The following PPM1D variants were observed in gnomAD, a reference collection of about 807,000 sequenced individuals.
PPM1D encodes protein phosphatase 1D.
A neutral mutation model predicts 58.3 loss-of-function variants in PPM1D; 52 were observed. That is an observed-to-expected ratio of 0.89 (90% CI 0.71 to 1.12). The LOEUF (loss-of-function observed/expected upper bound fraction) is 1.12. Ranked by LOEUF, PPM1D falls within the 50% of genes most tolerant of loss-of-function variation. The pLI is 0.00. For missense variants in PPM1D, 564 were observed against 777.2 expected (o/e 0.73, Z 3.26); for synonymous variants, 278 against 285.1 (o/e 0.98, Z 0.25).
intron 1 of PPM1D, among the ~76,000 whole-genome samples, chr17:60,622,388 T>C (rs1415759060): frequency 2.6e-5 from 4 of 152,226 alleles, no homozygotes; most frequent in African/African-American, 4.8e-5. Context: ...ACATTTACAT[T>C]CTGTCCTTTC....
intron 1 of PPM1D, among the ~76,000 whole-genome samples, chr17:60,602,616 A>G (rs116353927): frequency 3.1e-3 from 476 of 152,174 alleles, no homozygotes; most frequent in African/African-American, 0.011. Flanking sequence ...AGCAGGGGCC[A>G]TGCTGTTAAA....
intron 4 of PPM1D, among the ~76,000 whole-genome samples, chr17:60,651,647 C>T (rs1181584151): frequency 3.3e-5 from 5 of 152,072 alleles, no homozygotes; most frequent in Admixed American, 6.6e-5. Context: ...CCACCCACCT[C>T]GGCCTCCCAA....
intron 4 of PPM1D, among the ~76,000 whole-genome samples, chr17:60,655,601 C>T (rs2031423515): frequency 6.6e-6 from 1 of 152,200 alleles, no homozygotes; most frequent in Non-Finnish European, 1.5e-5. Flanking sequence ...CCTGCCTCCA[C>T]CTCCCAAAGT....
intron 3 of PPM1D, among the ~76,000 whole-genome samples, chr17:60,639,216 A>G (rs1567972727): frequency 6.6e-6 from 1 of 151,754 alleles, no homozygotes; most frequent in South Asian, 2.1e-4. Flanking sequence ...CCCAGGTTCA[A>G]GCGATTCTCC....
At chr17:60,629,899 G>T (rs1424601350) in intron 2 of PPM1D, among the ~76,000 whole-genome samples, 1 of 152,058 alleles carries the variant, frequency 6.6e-6, no homozygotes, top group African/African-American at 2.4e-5. Context: ...TATTATCCAG[G>T]CGTAGTGGCA....
At chr17:60,605,155 A>G (rs1055501865) in intron 1 of PPM1D, among the ~76,000 whole-genome samples, 1 of 152,196 alleles carries the variant, frequency 6.6e-6, no homozygotes, top group Non-Finnish European at 1.5e-5. Context: ...GACTGTAATT[A>G]GGTAGCTGTG....
chr17:60,626,987 C>G (rs373890041), intron 2 of PPM1D, among the ~76,000 whole-genome samples: 23 of 151,690 alleles, frequency 1.5e-4, no homozygotes, highest in African/African-American at 5.1e-4. Context: ...ATTTTTTTCC[C>G]ACATTAATGT....
intron 4 of PPM1D, among the ~76,000 whole-genome samples, chr17:60,651,929 C>T (rs1445219158): frequency 1.3e-5 from 2 of 152,058 alleles, no homozygotes; most frequent in Non-Finnish European, 2.9e-5. Context: ...TTTAAGAAGA[C>T]ACATAAGGCA....
At chr17:60,605,968 A>C (rs943224818) in intron 1 of PPM1D, among the ~76,000 whole-genome samples, 13 of 152,308 alleles carry the variant, frequency 8.5e-5, no homozygotes, top group African/African-American at 3.1e-4. Flanking sequence ...TAGTGGCGTT[A>C]AGTGTATTCA....
chr17:60,643,239 C>T (rs1219482478), intron 3 of PPM1D, among the ~76,000 whole-genome samples: 1 of 151,840 alleles, frequency 6.6e-6, no homozygotes, highest in East Asian at 1.9e-4. Context: ...AAAAATTAGC[C>T]TAGCATGGTG....
chr17:60,624,946 C>T (rs897146184), intron 2 of PPM1D, among the ~76,000 whole-genome samples: 4 of 152,076 alleles, frequency 2.6e-5, no homozygotes, highest in Admixed American at 6.6e-5. Context: ...TCGAGACCAG[C>T]TTGGGGAACA....
chr17:60,614,301 G>A (rs2030534459), intron 1 of PPM1D, among the ~76,000 whole-genome samples: 1 of 152,100 alleles, frequency 6.6e-6, no homozygotes, highest in Admixed American at 6.6e-5. Flanking sequence ...GTCTAGCCAA[G>A]GTATTGTAAA....
chr17:60,615,010 A>G (rs1034345182), intron 1 of PPM1D, among the ~76,000 whole-genome samples: 2 of 152,182 alleles, frequency 1.3e-5, no homozygotes, highest in East Asian at 1.9e-4. Context: ...CAGTAAAACT[A>G]TTTGCACCAG....
intron 4 of PPM1D, among the ~76,000 whole-genome samples, chr17:60,654,752 C>T (rs1172905927): frequency 6.6e-6 from 1 of 151,322 alleles, no homozygotes; most frequent in Non-Finnish European, 1.5e-5. Flanking sequence ...CCTGTAATCC[C>T]AGCTACTTGG....
In PPM1D at chr17:60,623,889, A is replaced by G. The variant is rs903350677; in HGVS notation, c.701+140A>G. 1.7e-5 allele frequency: 13 copies of G among 752,396 alleles called. No homozygotes were observed. In the African/African-American group the frequency reaches 2.1e-4, roughly 12 times the overall value. 46.6% of individuals were successfully genotyped at this position (752,396 alleles called of 1,614,324 possible). On this transcript the variant is annotated intron_variant, in intron 2 of 5. Transcript: ENST00000305921. Reference sequence around the variant, plus strand: ...CAGGTTTTTTAGTTTGTCTGATGTAATACTCATGTATGTATGTTCATATTT... The same window carrying G: ...CAGGTTTTTTAGTTTGTCTGATGTAGTACTCATGTATGTATGTTCATATTT...
chr17:60,664,271 C>G lies in PPM1D; in HGVS notation c.*719C>G, dbSNP rs1401660989. ...TAAAACAATCTAAAACAATTCCCTT[C>G]TTTTTCATCCCAGACCAATGGCATT... On this transcript the variant is annotated 3_prime_UTR_variant, in exon 6 of 6. Coordinates refer to ENST00000305921, the MANE Select transcript of PPM1D (RefSeq NM_003620.4). The G allele has an allele frequency of 6.6e-6, 1 of 152,626 alleles. No homozygotes were observed. Among genetic ancestry groups the G allele is most frequent in the Non-Finnish European group, 1.5e-5 (1 of 68,014 alleles). 9.5% of individuals were successfully genotyped at this position (152,626 alleles called of 1,614,324 possible). A position where few individuals can be genotyped will look rare whatever the true frequency, so the allele number is the denominator to read the frequency against.
intron 1 of PPM1D, among the ~76,000 whole-genome samples, chr17:60,622,807 A>G (rs1329555404): frequency 6.6e-6 from 1 of 152,232 alleles, no homozygotes; most frequent in Non-Finnish European, 1.5e-5. Context: ...TATTTCAAAA[A>G]CAAATCAAGC....
intron 2 of PPM1D, among the ~76,000 whole-genome samples, chr17:60,630,577 A>G (rs866091427): frequency 6.6e-6 from 1 of 152,112 alleles, no homozygotes; most frequent in South Asian, 2.1e-4. Flanking sequence ...TCCTTTTTAC[A>G]TGCCTTTTAA....
chr17:60,663,693 C>A lies in PPM1D; in HGVS notation c.*141C>A. Reference sequence around the variant, plus strand: ...ACTTTTTGGAATTCAGCAGTTTTATCCTGGCCTTGTACTTGCTTGTATTGT... The same window carrying A: ...ACTTTTTGGAATTCAGCAGTTTTATACTGGCCTTGTACTTGCTTGTATTGT... On this transcript the variant is annotated 3_prime_UTR_variant, in exon 6 of 6. Coordinates refer to ENST00000305921, the MANE Select transcript of PPM1D (RefSeq NM_003620.4). The A allele has an allele frequency of 1.1e-6, 1 of 872,230 alleles. No homozygotes were observed. The highest frequency in any genetic ancestry group is 1.7e-6 in the Non-Finnish European group (1 of 587,586). The allele number at this position is 872,230 out of a possible 1,614,324, so 54.0% of individuals were successfully genotyped here. A position where few individuals can be genotyped will look rare whatever the true frequency, so the allele number is the denominator to read the frequency against.
Sources: allele counts gnomAD v4.1 joint callset (sites outside exome capture counted in the v4.1 genomes callset), GRCh38; gene constraint gnomAD v4.1.1; transcripts MANE v1.5; gene names NCBI Gene and HGNC (gene_info 2026-07-23, HGNC 2026-07-21).